DPH6: variants seen among roughly 807,000 people sequenced by gnomAD.
The protein encoded by DPH6 is diphthamine biosynthesis 6, also known as diphthine--ammonia ligase.
In DPH6, 33 loss-of-function variants were observed where a neutral mutation model predicts 38.2. The ratio of observed to expected loss-of-function variants is 0.86; its 90% CI spans 0.65 to 1.15. The LOEUF (loss-of-function observed/expected upper bound fraction) is 1.15, where lower values mean the gene tolerates loss of function less well. Ranked by LOEUF, DPH6 falls within the 50% of genes most tolerant of loss-of-function variation. DPH6 has a pLI of 0.00. For synonymous variants in DPH6, 108 were observed against 103.0 expected (o/e 1.05, Z -0.30); for missense variants, 325 against 320.0 (o/e 1.02, Z -0.12).
chr15:35,309,211 T>C (rs1858512493), intron 3 of DPH6, among the ~76,000 whole-genome samples: 1 of 152,172 alleles, frequency 6.6e-6, no homozygotes, highest in Admixed American at 6.6e-5. Context: ...GAATCAGAAA[T>C]GCCTAACCAA....
chr15:35,520,906 T>C (rs1270665015), intron 3 of DPH6: 3 of 985,124 alleles, frequency 3.0e-6, no homozygotes, highest in Non-Finnish European at 3.6e-6. Flanking sequence ...ACAACTCATT[T>C]TGTCACTCTC....
At chr15:35,502,477 A>C (rs1297271741) in intron 3 of DPH6, among the ~76,000 whole-genome samples, 1 of 152,022 alleles carries the variant, frequency 6.6e-6, no homozygotes, top group African/African-American at 2.4e-5. Flanking sequence ...TGATGAATCT[A>C]AACTATAAGC....
At chr15:35,520,285 A>C (rs1357875008) in intron 3 of DPH6, 2 of 971,402 alleles carry the variant, frequency 2.1e-6, no homozygotes, top group African/African-American at 3.5e-5. Flanking sequence ...TATTTTAAGC[A>C]TAATTTTATT....
intron 3 of DPH6, among the ~76,000 whole-genome samples, chr15:35,504,664 A>T (rs1395064711): frequency 6.6e-6 from 1 of 152,116 alleles, no homozygotes; most frequent in Non-Finnish European, 1.5e-5. Context: ...CTCTTCTTTA[A>T]TATTCAAAAT....
intron 3 of DPH6, among the ~76,000 whole-genome samples, chr15:35,311,519 T>A (rs143244514): frequency 2.6e-5 from 4 of 152,166 alleles, no homozygotes; most frequent in Non-Finnish European, 5.9e-5. Flanking sequence ...ACCAAATAGA[T>A]GCCCTCCTTA....
At chr15:35,206,396 A>G in the DPH6 span, among the ~76,000 whole-genome samples, 2 of 152,158 alleles carry the variant, frequency 1.3e-5, no homozygotes, top group Admixed American at 6.5e-5. Context: ...TAGGAAATCT[A>G]TTGAGAGTAG....
intron 5 of DPH6, among the ~76,000 whole-genome samples, chr15:35,441,967 A>C (rs2053794781): frequency 6.6e-6 from 1 of 152,196 alleles, no homozygotes; most frequent in African/African-American, 2.4e-5. Flanking sequence ...TCGTGACATC[A>C]AGTTAGGCAA....
At chr15:35,209,006 A>G in the DPH6 span, among the ~76,000 whole-genome samples, 2 of 152,122 alleles carry the variant, frequency 1.3e-5, no homozygotes, top group Non-Finnish European at 2.9e-5. Flanking sequence ...AGAAAGATTT[A>G]TGGTTTTCTT....
At chr15:35,382,902 T>C (rs759990755) in intron 6 of DPH6, among the ~76,000 whole-genome samples, 10 of 152,034 alleles carry the variant, frequency 6.6e-5, no homozygotes, top group Non-Finnish European at 1.5e-4. Context: ...TGATTTGCAT[T>C]AAATATAAGC....
At chr15:35,160,836 C>G in the DPH6 span, among the ~76,000 whole-genome samples, 1 of 151,830 alleles carries the variant, frequency 6.6e-6, no homozygotes. Flanking sequence ...TTAAAACACA[C>G]TATTCTACAT....
At chr15:35,149,472 C>T in the DPH6 span, among the ~76,000 whole-genome samples, 7 of 152,214 alleles carry the variant, frequency 4.6e-5, no homozygotes, top group South Asian at 2.1e-4. Flanking sequence ...CTCCTGACCT[C>T]GTGATTCGCC....
chr15:35,151,613 G>T, the DPH6 span, among the ~76,000 whole-genome samples: 1 of 152,180 alleles, frequency 6.6e-6, no homozygotes, highest in Admixed American at 6.5e-5. Flanking sequence ...AGGTGAACTG[G>T]CATGTGTAAA....
chr15:35,192,775 A>G, the DPH6 span, among the ~76,000 whole-genome samples: 1 of 152,246 alleles, frequency 6.6e-6, no homozygotes, highest in Admixed American at 6.5e-5. Context: ...TACAATTTGT[A>G]TGCATCTATA....
At chr15:35,418,559 C>T in intron 5 of DPH6, among the ~76,000 whole-genome samples, 1 of 152,064 alleles carries the variant, frequency 6.6e-6, no homozygotes, top group East Asian at 1.9e-4. Context: ...CCATAATTTG[C>T]AGAGCTGACA....
chr15:35,170,468 T>A, the DPH6 span, among the ~76,000 whole-genome samples: 115 of 152,298 alleles, frequency 7.6e-4, no homozygotes, highest in African/African-American at 2.7e-3. Context: ...ATTTTGGTTT[T>A]TACTTATGTG....
At chr15:35,380,616 A>G (rs541050546) in intron 7 of DPH6, among the ~76,000 whole-genome samples, 48 of 152,282 alleles carry the variant, frequency 3.2e-4, no homozygotes, top group African/African-American at 1.2e-3. Flanking sequence ...CTATAATTTC[A>G]CACTAGCTTG....
intron 3 of DPH6, among the ~76,000 whole-genome samples, chr15:35,226,608 A>T (rs1344891962): frequency 6.6e-6 from 1 of 152,228 alleles, no homozygotes; most frequent in East Asian, 1.9e-4. Context: ...AAAATTAAAT[A>T]CCTAGGAATT....
At position 35,334,246 on chromosome 15, in the gene DPH6, T is replaced by C. The variant is rs774880930; in HGVS notation, n.208-3169A>G. ...TACCTTAAAGATCAACTTGCATCAA[T>C]TAATTCTAATACCCTTGAATTTCTA... is the stretch of plus-strand genomic sequence containing the variant. On this transcript the variant is annotated intron_variant and non_coding_transcript_variant, in intron 3 of 3. Transcript: ENST00000558973. 2.6e-5 allele frequency among the ~76,000 whole-genome samples: 4 copies of C among 152,276 alleles called. No homozygotes were observed. In the East Asian group the frequency reaches 7.7e-4, roughly 29 times the overall value.
intron 3 of DPH6, among the ~76,000 whole-genome samples, chr15:35,457,486 C>T (rs766178788): frequency 1.3e-5 from 2 of 149,160 alleles, no homozygotes; most frequent in Non-Finnish European, 3.0e-5. Context: ...TTAGTAGAGA[C>T]AAGATTTTGC....
Sources: gnomAD v4.1 joint callset for allele counts (sites outside exome capture counted in the v4.1 genomes callset) on GRCh38, gnomAD v4.1.1 for gene constraint, MANE v1.5 for transcripts, NCBI Gene and HGNC (gene_info 2026-07-23, HGNC 2026-07-21) for gene names.